The following LRP1B variants were observed in gnomAD, a reference collection of about 807,000 sequenced individuals.
LRP1B encodes the protein LDL receptor related protein 1B.
A neutral mutation model predicts 556.6 loss-of-function variants in LRP1B; 217 were observed. That is an observed-to-expected ratio of 0.39 (90% CI 0.35 to 0.44). The LOEUF is 0.44. Ranked by LOEUF, LRP1B falls within the 20% of genes least tolerant of loss-of-function variation. The probability of loss-of-function intolerance (pLI) is 1.00; values close to 1 mark genes in which losing one functional copy is unlikely to be tolerated. For synonymous variants in LRP1B, 2,047 were observed against 1,865.8 expected (o/e 1.10, Z -2.50); for missense variants, 5,053 against 5,620.8 (o/e 0.90, Z 3.23).
chr2:141,633,914 T>C (rs1689003606), intron 2 of LRP1B, among the ~76,000 whole-genome samples: 1 of 152,052 alleles, frequency 6.6e-6, no homozygotes, highest in African/African-American at 2.4e-5. Context: ...TCTTGTTATG[T>C]TCCATTTAGG....
chr2:140,629,271 T>C (rs1683792695), intron 41 of LRP1B, among the ~76,000 whole-genome samples: 1 of 151,758 alleles, frequency 6.6e-6, no homozygotes, highest in Non-Finnish European at 1.5e-5. Flanking sequence ...TTTCACCATA[T>C]TGACTAGGCT....
intron 3 of LRP1B, among the ~76,000 whole-genome samples, chr2:141,280,681 C>A (rs1436732210): frequency 6.6e-6 from 1 of 151,840 alleles, no homozygotes; most frequent in Non-Finnish European, 1.5e-5. Context: ...TGCTACCTAG[C>A]AAATTTTATT....
chr2:141,710,012 C>T (rs73963539), intron 2 of LRP1B, among the ~76,000 whole-genome samples: 20 of 152,004 alleles, frequency 1.3e-4, no homozygotes, highest in South Asian at 2.1e-4. Flanking sequence ...CAATTTTATA[C>T]GGGTATTAAT....
intron 67 of LRP1B, among the ~76,000 whole-genome samples, chr2:140,385,423 T>C (rs1458152118): frequency 6.6e-6 from 1 of 152,140 alleles, no homozygotes; most frequent in African/African-American, 2.4e-5. Flanking sequence ...TTCAGAGAAA[T>C]GCATCCTGAA....
intron 42 of LRP1B, among the ~76,000 whole-genome samples, chr2:140,600,322 G>A (rs1682604333): frequency 6.6e-6 from 1 of 152,052 alleles, no homozygotes; most frequent in Non-Finnish European, 1.5e-5. Flanking sequence ...TAGGACAGTG[G>A]TGGGAGCAGT....
intron 2 of LRP1B, among the ~76,000 whole-genome samples, chr2:141,698,634 C>A (rs1691822737): frequency 6.6e-6 from 1 of 151,536 alleles, no homozygotes; most frequent in East Asian, 1.9e-4. Context: ...TCTATTAAAC[C>A]CCTTCTTGAA....
At chr2:141,701,898 A>G (rs537208321) in intron 2 of LRP1B, among the ~76,000 whole-genome samples, 18 of 152,034 alleles carry the variant, frequency 1.2e-4, no homozygotes, top group African/African-American at 4.1e-4. Flanking sequence ...AGCCAGATTT[A>G]CAAAGAGACA....
rs151169845 is a variant in LRP1B at position 140,868,113 on chromosome 2, C to A, written c.4320G>T (p.Val1440=). 3.1e-4 allele frequency: 499 copies of A among 1,600,100 alleles called. 1 individual carries two copies. In the African/African-American group the frequency reaches 5.8e-3, roughly 19 times the overall value. Residue 1440 remains valine (V), a synonymous_variant, in exon 26 of 91, where the codon GTG becomes GTT. Coordinates refer to ENST00000389484, the MANE Select transcript of LRP1B (RefSeq NM_018557.3). Reference sequence around the variant, plus strand: ...ATTTTTTAAACCTGGCGTCTGTCCACACTATCCTTTTCTCAAAGTGGTCCA... The same window carrying A: ...ATTTTTTAAACCTGGCGTCTGTCCAAACTATCCTTTTCTCAAAGTGGTCCA... The part of the protein sequence containing the change: ...LTVDHFEKRI[V]WTDARSDAIY...
chr2:142,034,988 T>C (rs546733104), intron 1 of LRP1B, among the ~76,000 whole-genome samples: 1 of 151,850 alleles, frequency 6.6e-6, no homozygotes, highest in Non-Finnish European at 1.5e-5. Flanking sequence ...TAAATAATCA[T>C]GTATGAATAA....
At chr2:141,401,553 T>C (rs1690454540) in intron 3 of LRP1B, among the ~76,000 whole-genome samples, 1 of 152,180 alleles carries the variant, frequency 6.6e-6, no homozygotes, top group Admixed American at 6.5e-5. Context: ...TTACATTGCA[T>C]TTGCTTCTGC....
intron 3 of LRP1B, among the ~76,000 whole-genome samples, chr2:141,426,208 T>G (rs1282671878): frequency 6.6e-6 from 1 of 151,884 alleles, no homozygotes; most frequent in Non-Finnish European, 1.5e-5. Flanking sequence ...TTTTCTCAGG[T>G]TTGTCAAAGA....
chr2:140,926,766 CT>C (rs956718059), intron 20 of LRP1B, among the ~76,000 whole-genome samples: 3 of 152,100 alleles, frequency 2.0e-5, no homozygotes, highest in African/African-American at 2.4e-5. Flanking sequence ...ATACATGATG[CT>C]TTTTATTGAT....
chr2:140,948,427 T>A (rs1695606344), intron 20 of LRP1B, among the ~76,000 whole-genome samples: 1 of 152,206 alleles, frequency 6.6e-6, no homozygotes, highest in African/African-American at 2.4e-5. Flanking sequence ...AGGCAAAAAG[T>A]TCTAGCTCAT....
chr2:140,524,091 C>T (rs927614155), intron 49 of LRP1B, among the ~76,000 whole-genome samples: 2 of 150,828 alleles, frequency 1.3e-5, no homozygotes, highest in African/African-American at 4.9e-5. Context: ...AAAAAATATC[C>T]AGAATCTATA....
chr2:140,842,111 A>C (rs1692127276), intron 29 of LRP1B, among the ~76,000 whole-genome samples: 1 of 152,238 alleles, frequency 6.6e-6, no homozygotes, highest in Non-Finnish European at 1.5e-5. Flanking sequence ...TGGTGATTCC[A>C]ATCAAAACTT....
intron 2 of LRP1B, among the ~76,000 whole-genome samples, chr2:141,582,173 G>A (rs1002762323): frequency 2.0e-5 from 3 of 152,084 alleles, no homozygotes; most frequent in African/African-American, 7.2e-5. Context: ...TTTAAAAAGG[G>A]CTTTTCTCTA....
chr2:141,078,629 GAGAA>G, intron 7 of LRP1B, among the ~76,000 whole-genome samples: 1 of 152,094 alleles, frequency 6.6e-6, no homozygotes, highest in Non-Finnish European at 1.5e-5. Context: ...GAGAGAGAAA[GAGAA>G]AGAGAAATGA....
intron 7 of LRP1B, among the ~76,000 whole-genome samples, chr2:141,100,877 C>T (rs565620501): frequency 1.3e-5 from 2 of 152,014 alleles, no homozygotes; most frequent in African/African-American, 4.8e-5. Context: ...CCTGGAAAAA[C>T]AACATGGAGA....
At chr2:141,970,013 C>T (rs1464057668) in intron 1 of LRP1B, among the ~76,000 whole-genome samples, 1 of 151,334 alleles carries the variant, frequency 6.6e-6, no homozygotes, top group Non-Finnish European at 1.5e-5. Context: ...TTTTAATTTC[C>T]ATTTTCCTAA....
Sources: gnomAD v4.1 joint callset for allele counts (sites outside exome capture counted in the v4.1 genomes callset) on GRCh38, gnomAD v4.1.1 for gene constraint, MANE v1.5 for transcripts, NCBI Gene and HGNC (gene_info 2026-07-23, HGNC 2026-07-21) for gene names.